The following BLOC1S3 variants were observed in gnomAD, a reference collection of about 807,000 sequenced individuals.
The protein encoded by BLOC1S3 is biogenesis of lysosomal organelles complex 1 subunit 3, also known as biogenesis of lysosome-related organelles complex 1 subunit 3.
Under a neutral mutation model 9.1 loss-of-function variants are expected in BLOC1S3, and 7 were observed. That is an observed-to-expected ratio of 0.77 (90% CI 0.44 to 1.45). The LOEUF (loss-of-function observed/expected upper bound fraction) is 1.45. Ranked by LOEUF, BLOC1S3 falls within the 40% of genes most tolerant of loss-of-function variation. The pLI, the probability that BLOC1S3 is intolerant of heterozygous loss-of-function variation, is 0.01. For missense variants in BLOC1S3, 307 were observed against 315.2 expected (o/e 0.97, Z 0.20); for synonymous variants, 145 against 158.4 (o/e 0.92, Z 0.64).
rs915928569 is a variant in BLOC1S3 at position 45,179,474 on chromosome 19, G to A, written c.178G>A (p.Ala60Thr). 2.3e-5 allele frequency: 35 copies of A among 1,523,414 alleles called. No individual in the cohort carries two copies. The highest frequency in any genetic ancestry group is 2.9e-5 in the Non-Finnish European group (33 of 1,141,724). 94.4% of individuals were successfully genotyped at this position (1,523,414 alleles called of 1,614,324 possible). The change falls in exon 2 of 2, where the codon GCC becomes ACC. Residue 60 changes from alanine (A) to threonine (T), a missense_variant. Physicochemically the swap from Ala to Thr is moderately conservative, Grantham distance 58. Coordinates refer to ENST00000433642, the MANE Select transcript of BLOC1S3 (RefSeq NM_212550.5). The surrounding 1 kb of genome is among the most constrained non-coding windows in gnomAD (Gnocchi z 4.6). ...RPTGLRVAGE[A>T]AETDSEPEPE... is the part of the protein sequence containing the mutation. The stretch of plus-strand genomic sequence containing the variant: ...CACGGGGCTGCGGGTGGCTGGGGAA[G>A]CCGCGGAGACCGACTCGGAGCCGGA...
intron 3 of BLOC1S3, among the ~76,000 whole-genome samples, chr19:45,206,398 C>A (rs1969725682): frequency 7.4e-6 from 1 of 134,410 alleles, no homozygotes; most frequent in African/African-American, 2.8e-5. Flanking sequence ...ATGGTTTTTC[C>A]TGATTCATCT....
At chr19:45,205,253 C>T (rs62118499) in intron 3 of BLOC1S3, among the ~76,000 whole-genome samples, 12,107 of 152,062 alleles carry the variant, frequency 0.08, 595 homozygotes, top group East Asian at 0.15. Flanking sequence ...GCAACCTCCA[C>T]TTCCCGGGTT....
intron 2 of BLOC1S3, among the ~76,000 whole-genome samples, chr19:45,195,660 C>T (rs1287169981): frequency 1.4e-5 from 2 of 146,342 alleles, no homozygotes; most frequent in African/African-American, 5.0e-5. Flanking sequence ...AATGGCATGA[C>T]CTCAGTGCAC....
chr19:45,189,157 C>T (rs1344050610), intron 2 of BLOC1S3, among the ~76,000 whole-genome samples: 2 of 151,890 alleles, frequency 1.3e-5, no homozygotes, highest in Admixed American at 1.3e-4. Flanking sequence ...CCATCCCCTC[C>T]TCTGCCACCT....
chr19:45,207,115 G>A (rs1273508276), intron 3 of BLOC1S3, among the ~76,000 whole-genome samples: 3 of 151,488 alleles, frequency 2.0e-5, no homozygotes, highest in Non-Finnish European at 2.9e-5. Context: ...GGGATGACAG[G>A]TGTAAGCCAC....
chr19:45,184,903 C>CAAAAAAAAAAAA (rs71338752), downstream of BLOC1S3, among the ~76,000 whole-genome samples: 1,558 of 48,308 alleles, frequency 0.032, 166 homozygotes, highest in Non-Finnish European at 0.052. Flanking sequence ...CTGTCTCAAA[C>CAAAAAAAAAAAA]AAAAAAAAAA....
intron 2 of BLOC1S3, among the ~76,000 whole-genome samples, chr19:45,188,549 A>ATT (rs1969582331): frequency 2.1e-5 from 3 of 143,318 alleles, no homozygotes; most frequent in African/African-American, 5.2e-5. Context: ...CATTCTTTCT[A>ATT]ATTATTATTA....
chr19:45,196,394 G>C (rs1969648768), intron 2 of BLOC1S3, among the ~76,000 whole-genome samples: 1 of 151,848 alleles, frequency 6.6e-6, no homozygotes, highest in Non-Finnish European at 1.5e-5. Context: ...AATGCAACAT[G>C]GTGTCCATGG....
In BLOC1S3 at chr19:45,180,194, A is replaced by C; in HGVS notation, c.*289A>C. ...GGGGCTTGGCTCCAGCCTTTGTTAC[A>C]TAGTTGCTCCTTAATCTGTTTCCAC... On this transcript the variant is annotated 3_prime_UTR_variant, in exon 2 of 2. Transcript: ENST00000433642. The C allele has an allele frequency of 5.9e-6, 2 of 337,110 alleles. No homozygotes were observed. The highest frequency in any genetic ancestry group is 1.1e-5 in the Non-Finnish European group (2 of 181,098). The allele number at this position is 337,110 out of a possible 1,614,324, so 20.9% of individuals were successfully genotyped here. A position where few individuals can be genotyped will look rare whatever the true frequency, so the allele number is the denominator to read the frequency against.
intron 2 of BLOC1S3, among the ~76,000 whole-genome samples, chr19:45,195,095 G>C (rs772920634): frequency 6.6e-6 from 1 of 151,996 alleles, no homozygotes; most frequent in Non-Finnish European, 1.5e-5. Flanking sequence ...ACGTAGTAGA[G>C]ATGGGGTTTC....
intron 3 of BLOC1S3, among the ~76,000 whole-genome samples, chr19:45,206,037 A>G (rs1969723015): frequency 6.6e-6 from 1 of 152,138 alleles, no homozygotes; most frequent in Admixed American, 6.6e-5. Flanking sequence ...ACATACTGAG[A>G]TACCGTCTCT....
Position 45,205,445 on chromosome 19 carries a change from G to A in BLOC1S3, n.282+2938G>A, listed in dbSNP as rs977704417. ...CTCCCAAAGTGCAGGGATTACAGGC[G>A]TGAGCCCTGCACCTGGCCAAAATAC... On this transcript the variant is annotated intron_variant and non_coding_transcript_variant, in intron 3 of 3. Coordinates refer to the BLOC1S3 transcript ENST00000591569. Among the ~76,000 whole-genome samples, 5 of 152,150 alleles carry A rather than the reference G, an allele frequency of 3.3e-5. No homozygotes were observed. The South Asian group carries it at 6.2e-4, about 19-fold the overall frequency.
chr19:45,188,821 C>T (rs1969584804), intron 2 of BLOC1S3, among the ~76,000 whole-genome samples: 1 of 151,978 alleles, frequency 6.6e-6, no homozygotes, highest in Non-Finnish European at 1.5e-5. Flanking sequence ...ATCCACCCAC[C>T]TTGGCCTCCC....
intron 2 of BLOC1S3, among the ~76,000 whole-genome samples, chr19:45,194,112 T>C (rs1969629946): frequency 2.4e-5 from 2 of 82,906 alleles, no homozygotes; most frequent in Non-Finnish European, 4.8e-5. Flanking sequence ...CTTTTTTTTT[T>C]TTTTTTTTTT....
intron 3 of BLOC1S3, among the ~76,000 whole-genome samples, chr19:45,203,669 T>C (rs1406839911): frequency 6.6e-6 from 1 of 152,144 alleles, no homozygotes; most frequent in South Asian, 2.1e-4. Flanking sequence ...TCCCTCTGTC[T>C]AATGATCATT....
chr19:45,213,382 G>A (rs565176587), intron 3 of BLOC1S3: 4 of 1,610,158 alleles, frequency 2.5e-6, no homozygotes, highest in Middle Eastern at 1.7e-4. Flanking sequence ...ACAGACAGGT[G>A]CATGCAGATC....
intron 3 of BLOC1S3, among the ~76,000 whole-genome samples, chr19:45,205,213 T>C (rs902399001): frequency 6.6e-6 from 1 of 152,012 alleles, no homozygotes; most frequent in Non-Finnish European, 1.5e-5. Flanking sequence ...TCGCCCAGAC[T>C]GGAGTACAGT....
At chr19:45,186,661 T>C (rs1237813281), downstream of BLOC1S3, among the ~76,000 whole-genome samples, 1 of 152,152 alleles carries the variant, frequency 6.6e-6, no homozygotes, top group Non-Finnish European at 1.5e-5. Flanking sequence ...GCAGAGATCA[T>C]GCAACTGCAC....
At chr19:45,204,348 C>T (rs1465590744) in intron 3 of BLOC1S3, among the ~76,000 whole-genome samples, 1 of 151,810 alleles carries the variant, frequency 6.6e-6, no homozygotes, top group Middle Eastern at 3.2e-3. Context: ...CACCACCATG[C>T]CCCAGCTAAT....
Sources: allele counts gnomAD v4.1 joint callset (sites outside exome capture counted in the v4.1 genomes callset), GRCh38; gene constraint gnomAD v4.1.1; non-coding constraint Gnocchi (gnomAD v3.1); transcripts MANE v1.5; gene names NCBI Gene and HGNC (gene_info 2026-07-23, HGNC 2026-07-21).